Variants in BTBD9 observed in about 807,000 individuals in gnomAD.
BTBD9 encodes the protein BTB domain containing 9.
In BTBD9, 49 loss-of-function variants were observed where a neutral mutation model predicts 64.3. That is an observed-to-expected ratio of 0.76 (90% CI 0.61 to 0.97). The LOEUF (loss-of-function observed/expected upper bound fraction) is 0.97. Among genes scored for constraint, BTBD9 ranks in the 50% least tolerant of loss-of-function variants. BTBD9 has a pLI of 0.00. For missense variants in BTBD9, 598 were observed against 762.1 expected, an observed-to-expected ratio of 0.78 and a Z score of 2.53; for synonymous variants, 260 against 274.7, an observed-to-expected ratio of 0.95 and a Z score of 0.53.
At chr6:38,355,642 T>C (rs117147761) in intron 6 of BTBD9, among the ~76,000 whole-genome samples, 1 of 152,362 alleles carries the variant, frequency 6.6e-6, no homozygotes, top group East Asian at 1.9e-4. Flanking sequence ...GATTCTATCA[T>C]ATTACTAATA....
At chr6:38,421,114 T>G (rs906102924) in intron 6 of BTBD9, among the ~76,000 whole-genome samples, 1 of 151,928 alleles carries the variant, frequency 6.6e-6, no homozygotes, top group African/African-American at 2.4e-5. Flanking sequence ...CCCAACACTT[T>G]GGGAGGCCGA....
At chr6:38,618,296 C>G (rs548746621) in intron 1 of BTBD9, among the ~76,000 whole-genome samples, 1 of 152,208 alleles carries the variant, frequency 6.6e-6, no homozygotes, top group Non-Finnish European at 1.5e-5. Context: ...AAAATGGCCA[C>G]CTGAGGGAAG....
chr6:38,595,644 G>A (rs1449390933), intron 2 of BTBD9: 1 of 263,776 alleles, frequency 3.8e-6, no homozygotes, highest in African/African-American at 2.3e-5. Context: ...TCTCAGAGTA[G>A]GACTAGCATT....
At chr6:38,539,564 C>T (rs1774172983) in intron 6 of BTBD9, among the ~76,000 whole-genome samples, 1 of 152,034 alleles carries the variant, frequency 6.6e-6, no homozygotes, top group Non-Finnish European at 1.5e-5. Flanking sequence ...CACGGATGAT[C>T]AAAAATAACT....
At chr6:38,505,964 CAAAAAA>C (rs59014161) in intron 6 of BTBD9, among the ~76,000 whole-genome samples, 7 of 82,624 alleles carry the variant, frequency 8.5e-5, no homozygotes, top group Admixed American at 3.2e-4. Context: ...TCCGTCTCAA[CAAAAAA>C]AAAAAAAAAA....
chr6:38,173,132 T>C lies in BTBD9; in HGVS notation c.*1853A>G, dbSNP rs1276979597. 6.6e-6 allele frequency: 1 copy of C among 152,272 alleles called. No individual in the cohort carries two copies. The highest frequency in any genetic ancestry group is 1.5e-5 in the Non-Finnish European group (1 of 68,078). 9.4% of individuals were successfully genotyped at this position (152,272 alleles called of 1,614,324 possible). On this transcript the variant is annotated 3_prime_UTR_variant, in exon 11 of 11. Transcript: ENST00000481247. ...TCTGGCTCCTTTGTCCCCATCTGGG[T>C]AGAAAACACACTGGGGAAGGAAGTG...
At chr6:38,284,437 A>T (rs1582163368) in intron 8 of BTBD9, among the ~76,000 whole-genome samples, 1 of 152,342 alleles carries the variant, frequency 6.6e-6, no homozygotes, top group South Asian at 2.1e-4. Context: ...GGGTAGAGCT[A>T]GAGGCCAAGG....
rs12525669 is a variant in BTBD9 at position 38,415,101 on chromosome 6, T to C, written c.1155-70008A>G. On this transcript the variant is annotated intron_variant, in intron 6 of 10. Coordinates refer to ENST00000481247, the MANE Select transcript of BTBD9 (RefSeq NM_001099272.2). ...GTAGCAAATGGCATCATTATCAATA[T>C]AGACCTAGCTACCTACAAAGGCATA... Among the ~76,000 whole-genome samples the C allele has an allele frequency of 4.0e-3, 604 of 152,264 alleles. 4 individuals are homozygous for C. Among genetic ancestry groups the C allele is most frequent in the Admixed American group, 5.7e-3 (87 of 15,286 alleles).
intron 7 of BTBD9, among the ~76,000 whole-genome samples, chr6:38,290,700 C>T (rs1185084295): frequency 1.3e-5 from 2 of 152,108 alleles, no homozygotes; most frequent in African/African-American, 2.4e-5. Context: ...AAAACTCTTC[C>T]CCAAAAGTAA....
At chr6:38,595,001 C>T (rs1431498674) in intron 2 of BTBD9, among the ~76,000 whole-genome samples, 1 of 152,104 alleles carries the variant, frequency 6.6e-6, no homozygotes, top group Non-Finnish European at 1.5e-5. Flanking sequence ...TCAGCAGCAA[C>T]ATGGTTAAAA....
chr6:38,499,318 T>G (rs1040423199), intron 6 of BTBD9, among the ~76,000 whole-genome samples: 2 of 152,172 alleles, frequency 1.3e-5, no homozygotes, highest in Non-Finnish European at 2.9e-5. Context: ...GCATTTCTCT[T>G]TATTTTTAAA....
At chr6:38,448,165 C>T (rs1237192179) in intron 6 of BTBD9, among the ~76,000 whole-genome samples, 1 of 152,176 alleles carries the variant, frequency 6.6e-6, no homozygotes, top group Non-Finnish European at 1.5e-5. Flanking sequence ...CTTCCGCAAC[C>T]AAAATTCTCC....
chr6:38,546,110 A>G (rs1223848903), intron 6 of BTBD9, among the ~76,000 whole-genome samples: 3 of 152,184 alleles, frequency 2.0e-5, no homozygotes, highest in African/African-American at 2.4e-5. Context: ...GGTACATGAG[A>G]AAAAGGGATG....
At chr6:38,233,536 G>C (rs1763682680) in intron 9 of BTBD9, among the ~76,000 whole-genome samples, 2 of 152,170 alleles carry the variant, frequency 1.3e-5, no homozygotes, top group African/African-American at 4.8e-5. Flanking sequence ...CAGAAAGCAA[G>C]GTTCTCTGCA....
At chr6:38,381,728 G>T (rs977521543) in intron 6 of BTBD9, among the ~76,000 whole-genome samples, 7 of 151,972 alleles carry the variant, frequency 4.6e-5, no homozygotes, top group Non-Finnish European at 4.4e-5. Context: ...GTATCACACA[G>T]ATCACTTTCT....
intron 6 of BTBD9, among the ~76,000 whole-genome samples, chr6:38,401,412 T>A (rs1364560452): frequency 6.6e-6 from 1 of 152,212 alleles, no homozygotes; most frequent in African/African-American, 2.4e-5. Context: ...TCAGGTAGTA[T>A]CTTTATATCA....
At chr6:38,287,311 C>CTT (rs1164540513) in intron 8 of BTBD9, among the ~76,000 whole-genome samples, 1 of 143,834 alleles carries the variant, frequency 7.0e-6, no homozygotes. Context: ...TTATGTTCTT[C>CTT]TTTTTTTTTT....
chr6:38,559,229 A>C (rs141120178), intron 6 of BTBD9, among the ~76,000 whole-genome samples: 41 of 152,284 alleles, frequency 2.7e-4, no homozygotes, highest in African/African-American at 9.9e-4. Context: ...ATAGTTTCAG[A>C]ATACAAAATC....
At chr6:38,404,847 A>G (rs938330321) in intron 6 of BTBD9, among the ~76,000 whole-genome samples, 1 of 152,186 alleles carries the variant, frequency 6.6e-6, no homozygotes, top group Admixed American at 6.6e-5. Flanking sequence ...CACTTGAAAT[A>G]CTTTCTACTT....
Sources: allele counts gnomAD v4.1 joint callset (sites outside exome capture counted in the v4.1 genomes callset), GRCh38; gene constraint gnomAD v4.1.1; transcripts MANE v1.5; gene names NCBI Gene and HGNC (gene_info 2026-07-23, HGNC 2026-07-21).